Variants in PTPN22 observed in about 807,000 individuals in gnomAD.
The protein encoded by PTPN22 is protein tyrosine phosphatase non-receptor type 22, also known as tyrosine-protein phosphatase non-receptor type 22.
A neutral mutation model predicts 103.3 loss-of-function variants in PTPN22; 85 were observed. The observed-to-expected ratio is 0.82, with a 90% CI of 0.69 to 0.99. PTPN22 has a LOEUF of 0.99. PTPN22 is among the 50% of genes least tolerant of loss of function. The pLI is 0.00. For synonymous variants in PTPN22, 323 were observed against 310.2 expected, an observed-to-expected ratio of 1.04 and a Z score of -0.43; for missense variants, 865 against 936.9, an observed-to-expected ratio of 0.92 and a Z score of 1.00.
intron 11 of PTPN22, among the ~76,000 whole-genome samples, chr1:113,844,481 A>G (rs1460559008): frequency 6.6e-6 from 1 of 152,118 alleles, no homozygotes; most frequent in East Asian, 1.9e-4. Flanking sequence ...CAAAAAACCA[A>G]TTCTGATTTT....
At chr1:113,871,606 A>T in exon 1 of PTPN22, 1 of 1,614,016 alleles carries the variant, frequency 6.2e-7, no homozygotes, top group East Asian at 2.2e-5. Context: ...ACTTCTGCAG[A>T]ATTTCTCTTT....
chr1:113,817,444 G>GT (rs113933048), intron 20 of PTPN22, among the ~76,000 whole-genome samples: 1 of 152,036 alleles, frequency 6.6e-6, no homozygotes, highest in Non-Finnish European at 1.5e-5. Context: ...TGATTTTTGG[G>GT]TTTTTTTTTC....
chr1:113,861,542 T>C (rs368408227), intron 1 of PTPN22, among the ~76,000 whole-genome samples: 13 of 148,190 alleles, frequency 8.8e-5, no homozygotes, highest in African/African-American at 3.0e-4. Flanking sequence ...GCCCGGCCAA[T>C]TTTTTTTTGT....
At chr1:113,870,216 G>C (rs1009499483) in intron 1 of PTPN22, among the ~76,000 whole-genome samples, 3 of 152,026 alleles carry the variant, frequency 2.0e-5, no homozygotes, top group African/African-American at 7.2e-5. Context: ...GTGAGGATAG[G>C]TAGGACATGT....
intron 11 of PTPN22, 59 bp from the exon 12 acceptor site, chr1:113,838,679 TAA>T: frequency 1.9e-6 from 3 of 1,555,148 alleles, no homozygotes; most frequent in Non-Finnish European, 2.6e-6. Context: ...TAAGATATTT[TAA>T]TATTTAGAAG....
intron 18 of PTPN22, among the ~76,000 whole-genome samples, chr1:113,826,122 G>A (rs973928074): frequency 4.6e-5 from 7 of 152,174 alleles, no homozygotes; most frequent in Middle Eastern, 3.4e-3. Flanking sequence ...CAAGTGGGAG[G>A]TTCCCTTGAG....
chr1:113,842,460 A>T (rs1317879063), intron 11 of PTPN22, among the ~76,000 whole-genome samples: 1 of 147,442 alleles, frequency 6.8e-6, no homozygotes, highest in Non-Finnish European at 1.5e-5. Flanking sequence ...CGGATCACGA[A>T]GTCAAGAGAT....
chr1:113,830,039 G>C lies in PTPN22; in HGVS notation c.2054-10C>G. The C allele has an allele frequency of 6.4e-7, 1 of 1,566,696 alleles. No homozygotes were observed. The highest frequency in any genetic ancestry group is 1.4e-5 in the African/African-American group (1 of 73,544). On this transcript the variant is annotated splice_polypyrimidine_tract_variant and intron_variant, in intron 16 of 20. Coordinates refer to ENST00000359785, the Ensembl canonical transcript of PTPN22. ...CGATCTTGATGTAGTTCTGTGATAA[G>C]AAAGTATACAATAAACCAGAGAAAT...
intron 4 of PTPN22, 126 bp from the exon 5 acceptor site, chr1:113,857,902 A>G: frequency 1.3e-6 from 1 of 784,914 alleles, no homozygotes; most frequent in Non-Finnish European, 2.0e-6. Context: ...TTTTTTAACC[A>G]AAAAATAAAT....
intron 18 of PTPN22, among the ~76,000 whole-genome samples, chr1:113,827,379 G>T (rs890123393): frequency 2.6e-5 from 4 of 151,972 alleles, no homozygotes; most frequent in Non-Finnish European, 5.9e-5. Context: ...TTTATCCTCT[G>T]TTGTTAGTAT....
exon 21 of PTPN22, chr1:113,814,070 A>C (rs191907300): frequency 4.6e-4 from 70 of 152,428 alleles, no homozygotes; most frequent in African/African-American, 1.6e-3. Flanking sequence ...TACTACATAA[A>C]ATTAGAGTTG....
At position 113,837,787 on chromosome 1, in the gene PTPN22, GA is replaced by G. The variant is rs1558030958; in HGVS notation, c.1612del (p.Ser538HisfsTer49). ...ACTGGTACCACTTGGAGGCCATGAT[GA>G]AAAATAAGGATTTTCCACTAAAGGT... On this transcript the variant is annotated frameshift_variant, in exon 13 of 21. Transcript: ENST00000359785. LOFTEE classifies it high-confidence loss of function. The G allele has an allele frequency of 6.2e-7, 1 of 1,613,872 alleles. No individual in the cohort carries two copies.
chr1:113,834,776 G>C (rs1662835670), intron 14 of PTPN22, 134 bp downstream of exon 14: 1 of 796,992 alleles, frequency 1.3e-6, no homozygotes, highest in Non-Finnish European at 2.1e-6. Context: ...GCGCAGGCTA[G>C]TCTTGAACTC....
chr1:113,856,172 G>A (rs1407619598), intron 7 of PTPN22, among the ~76,000 whole-genome samples: 2 of 152,000 alleles, frequency 1.3e-5, no homozygotes, highest in East Asian at 1.9e-4. Flanking sequence ...GCACCACCAC[G>A]CCCAGCTAAT....
At chr1:113,843,144 A>G (rs996118282) in intron 11 of PTPN22, among the ~76,000 whole-genome samples, 3 of 151,094 alleles carry the variant, frequency 2.0e-5, no homozygotes, top group African/African-American at 7.3e-5. Context: ...ACCACATGTA[A>G]TTCCACTTCT....
At chr1:113,826,156 G>A (rs1384503022) in intron 18 of PTPN22, among the ~76,000 whole-genome samples, 1 of 152,002 alleles carries the variant, frequency 6.6e-6, no homozygotes, top group Non-Finnish European at 1.5e-5. Context: ...AGACCAGACT[G>A]GGCAACATGG....
intron 18 of PTPN22, among the ~76,000 whole-genome samples, chr1:113,827,112 A>G (rs2476600): frequency 0.57 from 86,240 of 152,078 alleles, 25,313 homozygotes; most frequent in African/African-American, 0.66. Context: ...TTCTGTTCCA[A>G]CAGATTAACT....
intron 19 of PTPN22, among the ~76,000 whole-genome samples, chr1:113,820,592 T>C (rs1429955198): frequency 6.6e-6 from 1 of 152,224 alleles, no homozygotes; most frequent in Non-Finnish European, 1.5e-5. Flanking sequence ...GTCATATATG[T>C]ACATTGATAT....
chr1:113,856,939 C>T (rs920148288), intron 5 of PTPN22: 16 of 229,026 alleles, frequency 7.0e-5, no homozygotes, highest in African/African-American at 3.4e-4. Flanking sequence ...ACCTAGTTCC[C>T]TTGCTTTTGA....
Sources: gnomAD v4.1 joint callset for allele counts (sites outside exome capture counted in the v4.1 genomes callset) on GRCh38, gnomAD v4.1.1 for gene constraint, MANE v1.5 for transcripts, NCBI Gene and HGNC (gene_info 2026-07-23, HGNC 2026-07-21) for gene names.